Variants in PFKFB3 observed in about 807,000 individuals in gnomAD.
PFKFB3 encodes 6-phosphofructo-2-kinase/fructose-2,6-biphosphatase 3.
PFKFB3 carries 33 observed loss-of-function variants against 68.0 expected under a neutral mutation model. The ratio of observed to expected loss-of-function variants is 0.49; its 90% CI spans 0.37 to 0.65. The LOEUF (loss-of-function observed/expected upper bound fraction) is 0.65. Among genes scored for constraint, PFKFB3 ranks in the 30% least tolerant of loss-of-function variants. The pLI is 0.00. For synonymous variants in PFKFB3, 315 were observed against 288.2 expected (o/e 1.09, Z -0.94); for missense variants, 586 against 712.2 (o/e 0.82, Z 2.02).
At chr10:6,246,785 C>G (rs1231758067) in intron 14 of PFKFB3, among the ~76,000 whole-genome samples, 1 of 152,024 alleles carries the variant, frequency 6.6e-6, no homozygotes, top group Non-Finnish European at 1.5e-5. Context: ...AACTAAGTAC[C>G]CTTGATTCCC....
the PFKFB3 span, among the ~76,000 whole-genome samples, chr10:6,285,790 G>C: frequency 6.6e-6 from 1 of 151,968 alleles, no homozygotes; most frequent in Admixed American, 6.6e-5. Flanking sequence ...TAGATACCTC[G>C]TGTAAGTGGA....
Position 6,156,129 on chromosome 10 carries a change from A to ATGTGTGTG in PFKFB3, c.16+11144_16+11151dup, listed in dbSNP as rs112267780. ...AGATATTATATATATGTACATATAT[A>ATGTGTGTG]TGTGTGTGTGTGTGTGTGTGTGTGT... On this transcript the variant is annotated intron_variant, in intron 1 of 14. Transcript: ENST00000379789. 6.0e-3 allele frequency among the ~76,000 whole-genome samples: 585 copies of ATGTGTGTG among 96,968 alleles called. 2 individuals are homozygous for ATGTGTGTG. Among genetic ancestry groups the ATGTGTGTG allele is most frequent in the African/African-American group, 0.01 (366 of 35,038 alleles). 63.6% of individuals were successfully genotyped at this position (96,968 alleles called of 152,430 possible).
In PFKFB3 at chr10:6,160,619, G is replaced by T. The variant is rs886960492; in HGVS notation, c.16+15606G>T. Among the ~76,000 whole-genome samples the T allele has an allele frequency of 2.0e-5, 3 of 150,570 alleles. No individual in the cohort carries two copies. The Admixed American group carries it at 2.0e-4, about 10-fold the overall frequency. On this transcript the variant is annotated intron_variant, in intron 1 of 14. Coordinates refer to the PFKFB3 transcript ENST00000379789. ...TGTAATCCCAGCTACTCAGGAGGCTGAGGCAGGAGAATTGCTTGAACCCGG... is the reference window on the plus strand; with the variant it reads ...TGTAATCCCAGCTACTCAGGAGGCTTAGGCAGGAGAATTGCTTGAACCCGG...
intron 1 of PFKFB3, among the ~76,000 whole-genome samples, chr10:6,156,703 G>A (rs191807050): frequency 0.012 from 1,864 of 151,338 alleles, 47 homozygotes; most frequent in African/African-American, 0.038. Context: ...GGCCAGGCTG[G>A]TCTCGAATCC....
the PFKFB3 span, among the ~76,000 whole-genome samples, chr10:6,292,266 CTTTTTTTTTTTCT>C: frequency 5.1e-3 from 543 of 107,268 alleles, 8 homozygotes; most frequent in African/African-American, 0.019. Flanking sequence ...AACCAGTGTA[CTTTTTTTTTTTCT>C]TTTTTTTTTT....
At chr10:6,159,881 C>T (rs117454401) in intron 1 of PFKFB3, among the ~76,000 whole-genome samples, 1,627 of 151,790 alleles carry the variant, frequency 0.011, 66 homozygotes, top group East Asian at 0.099. Context: ...ACCTCAGCCT[C>T]CCCAGTTGCT....
intron 13 of PFKFB3, 73 bp from the exon 14 acceptor site, chr10:6,226,119 C>A: frequency 7.2e-7 from 1 of 1,394,610 alleles, no homozygotes; most frequent in Non-Finnish European, 9.7e-7. Context: ...AGCAGAGAAA[C>A]TTTTTTGGGG....
intron 1 of PFKFB3, among the ~76,000 whole-genome samples, chr10:6,161,187 T>C (rs1362532989): frequency 6.6e-6 from 1 of 152,166 alleles, no homozygotes; most frequent in Non-Finnish European, 1.5e-5. Context: ...TCACCTGCCT[T>C]GTCCTCCCAA....
chr10:6,167,773 A>G (rs917706605), intron 1 of PFKFB3, among the ~76,000 whole-genome samples: 1 of 152,102 alleles, frequency 6.6e-6, no homozygotes, highest in Non-Finnish European at 1.5e-5. Flanking sequence ...CTTTCAAGGG[A>G]TTTCCTAGAT....
intron 1 of PFKFB3, among the ~76,000 whole-genome samples, chr10:6,151,188 T>C (rs957783914): frequency 4.6e-5 from 7 of 152,028 alleles, no homozygotes; most frequent in Admixed American, 4.6e-4. Context: ...TGTATGAGTC[T>C]TGGTGGTATC....
At chr10:6,314,049 A>G in the PFKFB3 span, among the ~76,000 whole-genome samples, 1 of 152,264 alleles carries the variant, frequency 6.6e-6, no homozygotes, top group East Asian at 1.9e-4. Flanking sequence ...GCGTCCCTTG[A>G]CATCAAAGCA....
chr10:6,203,642 C>G (rs1843486647), intron 1 of PFKFB3, among the ~76,000 whole-genome samples: 1 of 151,802 alleles, frequency 6.6e-6, no homozygotes, highest in Non-Finnish European at 1.5e-5. Context: ...TCCGCGATCC[C>G]TGTCCTCGAC....
chr10:6,231,265 G>T, intron 14 of PFKFB3: 2 of 1,602,862 alleles, frequency 1.2e-6, no homozygotes, highest in Non-Finnish European at 1.7e-6. Flanking sequence ...CTTGAAAGAC[G>T]AACTGTCTGT....
At chr10:6,307,485 G>A in the PFKFB3 span, among the ~76,000 whole-genome samples, 2 of 151,860 alleles carry the variant, frequency 1.3e-5, no homozygotes, top group Admixed American at 1.3e-4. Flanking sequence ...ACTATAGACT[G>A]TAGTTTAAAA....
chr10:6,304,752 C>T, the PFKFB3 span, among the ~76,000 whole-genome samples: 1 of 147,960 alleles, frequency 6.8e-6, no homozygotes, highest in Admixed American at 6.8e-5. Flanking sequence ...AACTCCTGAG[C>T]TCAAGCTATC....
chr10:6,151,459 T>C (rs1011369073), intron 1 of PFKFB3, among the ~76,000 whole-genome samples: 7 of 152,194 alleles, frequency 4.6e-5, no homozygotes, highest in Non-Finnish European at 8.8e-5. Context: ...AAGAAGCAGA[T>C]TTCCCAGAGG....
chr10:6,166,238 T>C (rs984493814), intron 1 of PFKFB3, among the ~76,000 whole-genome samples: 1 of 152,124 alleles, frequency 6.6e-6, no homozygotes, highest in African/African-American at 2.4e-5. Flanking sequence ...CGCCTCGGTC[T>C]CCCAGAGTGC....
chr10:6,232,996 T>G lies in PFKFB3; in HGVS notation c.*54T>G. 2 of 1,433,922 alleles carry G rather than the reference T, an allele frequency of 1.4e-6. No homozygotes were observed. Among genetic ancestry groups the G allele is most frequent in the Non-Finnish European group, 2.0e-6 (2 of 1,016,130 alleles). The allele number at this position is 1,433,922 out of a possible 1,614,324, so 88.8% of individuals were successfully genotyped here. A position where few individuals can be genotyped will look rare whatever the true frequency, so the allele number is the denominator to read the frequency against. ...CATTTCTGCAGCTTAGCTTGTGTCC[T>G]GCCCTCCGCCCGAGGCAAAACGTAT... On this transcript the variant is annotated 3_prime_UTR_variant, in exon 15 of 15. Transcript: ENST00000379775.
At chr10:6,198,353 C>T (rs931269587), upstream of PFKFB3, among the ~76,000 whole-genome samples, 4 of 152,074 alleles carry the variant, frequency 2.6e-5, no homozygotes, top group African/African-American at 7.2e-5. Context: ...GAGGGTTTGC[C>T]GGGACTTAAG....
Sources: gnomAD v4.1 joint callset for allele counts (sites outside exome capture counted in the v4.1 genomes callset) on GRCh38, gnomAD v4.1.1 for gene constraint, MANE v1.5 for transcripts, NCBI Gene and HGNC (gene_info 2026-07-23, HGNC 2026-07-21) for gene names.